Variants in ATIC observed in about 807,000 individuals in gnomAD.
The protein encoded by ATIC is bifunctional purine biosynthesis protein ATIC.
ATIC carries 64 observed loss-of-function variants against 72.5 expected under a neutral mutation model. The observed-to-expected ratio is 0.88, with a 90% CI of 0.72 to 1.09. ATIC has a LOEUF of 1.09. Among genes scored for constraint, ATIC ranks in the 50% least tolerant of loss-of-function variants. The probability of loss-of-function intolerance (pLI) is 0.00; values close to 1 mark genes in which losing one functional copy is unlikely to be tolerated. For synonymous variants in ATIC, 281 were observed against 267.1 expected, an observed-to-expected ratio of 1.05 and a Z score of -0.51; for missense variants, 787 against 732.4, an observed-to-expected ratio of 1.07 and a Z score of -0.86.
chr2:215,365,174 T>A, the ATIC span, among the ~76,000 whole-genome samples: 2 of 152,160 alleles, frequency 1.3e-5, no homozygotes, highest in African/African-American at 4.8e-5. Flanking sequence ...AAATTAGACC[T>A]AATACACTGG....
Position 215,312,610 on chromosome 2 carries a change from T to C in ATIC, c.132T>C (p.Ala44=), listed in dbSNP as rs374110634. ...GGACTGCAAAAGCTCTCAGGGATGCTGGTCTGGCAGTCAGGTAAGGCATAG... is the reference window on the plus strand; with the variant it reads ...GGACTGCAAAAGCTCTCAGGGATGCCGGTCTGGCAGTCAGGTAAGGCATAG... ...SGGTAKALRD[A]GLAVRDVSEL... is the part of the protein sequence containing the mutation. Residue 44 remains alanine (A), a synonymous_variant, in exon 2 of 16, where the codon GCT becomes GCC. Coordinates refer to ENST00000236959, the MANE Select transcript of ATIC (RefSeq NM_004044.7). 7 of 1,614,162 alleles carry C rather than the reference T, an allele frequency of 4.3e-6. No individual in the cohort carries two copies. In the African/African-American group the frequency reaches 8.0e-5, roughly 18 times the overall value.
chr2:215,357,476 A>G, the ATIC span, among the ~76,000 whole-genome samples: 4 of 152,212 alleles, frequency 2.6e-5, no homozygotes, highest in African/African-American at 9.6e-5. Flanking sequence ...GTATGTCTCT[A>G]AAGAGTAAGT....
At chr2:215,323,428 A>C (rs1412036521) in intron 4 of ATIC, among the ~76,000 whole-genome samples, 4 of 152,226 alleles carry the variant, frequency 2.6e-5, no homozygotes, top group African/African-American at 9.6e-5. Context: ...TAAATCTTCC[A>C]GTCTGTGAAC....
intron 10 of ATIC, 124 bp downstream of exon 10, chr2:215,335,128 C>T (rs1057266975): frequency 6.1e-5 from 30 of 488,888 alleles, no homozygotes; most frequent in Non-Finnish European, 9.1e-5. Flanking sequence ...CTAAGTTTAT[C>T]ATTTAATGTT....
chr2:215,333,825 G>A (rs576054770), intron 9 of ATIC, among the ~76,000 whole-genome samples: 13 of 151,998 alleles, frequency 8.6e-5, no homozygotes, highest in Admixed American at 2.6e-4. Flanking sequence ...GGCAGATCAC[G>A]AGGTCAGGAG....
At chr2:215,362,950 G>A in the ATIC span, 2 of 152,220 alleles carry the variant, frequency 1.3e-5, no homozygotes, top group African/African-American at 4.8e-5. Context: ...TCCTGGGACT[G>A]TTCCATTGTG....
intron 11 of ATIC, among the ~76,000 whole-genome samples, chr2:215,336,916 T>C (rs1378133806): frequency 1.3e-5 from 2 of 152,218 alleles, no homozygotes; most frequent in African/African-American, 4.8e-5. Context: ...TTTGTCAGCA[T>C]TGTGGTTTTA....
At chr2:215,330,077 A>G (rs1461086730) in intron 7 of ATIC, among the ~76,000 whole-genome samples, 2 of 152,202 alleles carry the variant, frequency 1.3e-5, no homozygotes, top group Non-Finnish European at 2.9e-5. Context: ...ACGCTTAACT[A>G]TGAGATGTTT....
chr2:215,323,008 G>C (rs1019459876), intron 4 of ATIC, among the ~76,000 whole-genome samples: 1 of 152,054 alleles, frequency 6.6e-6, no homozygotes, highest in Non-Finnish European at 1.5e-5. Flanking sequence ...GCAGTGGCGC[G>C]ATCTTGGCTC....
the ATIC span, chr2:215,367,820 G>A: frequency 1.2e-6 from 2 of 1,604,178 alleles, no homozygotes; most frequent in Non-Finnish European, 1.7e-6. Flanking sequence ...CATGGAACTT[G>A]AGGAGACAAA....
chr2:215,354,930 A>T, the ATIC span, among the ~76,000 whole-genome samples: 1 of 152,036 alleles, frequency 6.6e-6, no homozygotes. Flanking sequence ...CAAGGGGTTC[A>T]TGAAGGACAG....
chr2:215,346,820 A>C lies in ATIC; in HGVS notation c.1382A>C (p.Lys461Thr). ...RIHCTRLAGD[K>T]ANYWWLRHHP... ...CACTGCACTCGCCTTGCAGGAGATA[A>C]GGCAAACTATTGGTGGCTTAGACAC... The change falls in exon 14 of 16, where the codon AAG becomes ACG. Residue 461 changes from lysine to threonine, a missense_variant. Transcript: ENST00000236959. 6.2e-7 allele frequency: 1 copy of C among 1,614,220 alleles called. No individual in the cohort carries two copies. The highest frequency in any genetic ancestry group is 8.5e-7 in the Non-Finnish European group (1 of 1,180,046).
chr2:215,333,513 C>T, intron 9 of ATIC, 56 bp downstream of exon 9: 1 of 1,411,830 alleles, frequency 7.1e-7, no homozygotes, highest in Non-Finnish European at 9.9e-7. Context: ...ATATTTTATC[C>T]TAAATAGAAT....
Position 215,338,856 on chromosome 2 carries a change from T to C in ATIC, c.1176T>C (p.Asn392=), listed in dbSNP as rs1414317727. 6.2e-7 allele frequency: 1 copy of C among 1,613,852 alleles called. No homozygotes were observed. Among genetic ancestry groups the C allele is most frequent in the Admixed American group, 1.7e-5 (1 of 60,022 alleles). The change falls in exon 12 of 16, where the codon AAT becomes AAC. Residue 392 remains asparagine (N), a synonymous_variant. Transcript: ENST00000236959. ...TTCATTTAAGCCAGAAGAGAAATAA[T>C]GGTGTCGTCGACAAGTCATTATTTA... is the stretch of plus-strand genomic sequence containing the variant. ...FGLHLSQKRN[N]GVVDKSLFSN...
At chr2:215,330,638 T>C (rs2052881913) in intron 7 of ATIC, among the ~76,000 whole-genome samples, 1 of 152,120 alleles carries the variant, frequency 6.6e-6, no homozygotes, top group Non-Finnish European at 1.5e-5. Context: ...TAAAACTCCC[T>C]TGTGCTCCTC....
intron 6 of ATIC, among the ~76,000 whole-genome samples, chr2:215,326,452 A>G (rs1313456940): frequency 6.6e-6 from 1 of 152,002 alleles, no homozygotes; most frequent in Non-Finnish European, 1.5e-5. Context: ...TGAAAATACA[A>G]AAATTAGCCG....
intron 2 of ATIC, among the ~76,000 whole-genome samples, chr2:215,315,371 T>TA (rs910958402): frequency 1.5e-4 from 23 of 151,936 alleles, no homozygotes; most frequent in African/African-American, 5.3e-4. Flanking sequence ...TATATATATA[T>TA]TTTTTTAGAG....
chr2:215,364,879 C>T, the ATIC span: 19 of 1,551,680 alleles, frequency 1.2e-5, no homozygotes, highest in African/African-American at 2.0e-4. Context: ...CCAGTCTTAC[C>T]CGCTGGCCTC....
At position 215,312,151 on chromosome 2, in the gene ATIC, C is replaced by T. The variant is rs11550204; in HGVS notation, c.9C>T (p.Pro3=). 2.0e-6 allele frequency: 3 copies of T among 1,523,038 alleles called. No individual in the cohort carries two copies. Among genetic ancestry groups the T allele is most frequent in the Non-Finnish European group, 1.8e-6 (2 of 1,142,290 alleles). The allele number at this position is 1,523,038 out of a possible 1,614,324, so 94.3% of individuals were successfully genotyped here. The change falls in exon 1 of 16, where the codon CCC becomes CCT. Residue 3 remains proline, a synonymous_variant. Transcript: ENST00000236959. ...ACCCAGTGCCTGCAGCCATGGCTCC[C>T]GGCCAGCTCGGTGAGGCCCTAGCGG... is the stretch of plus-strand genomic sequence containing the variant. MA[P]GQLALFSVSD...
Sources: gnomAD v4.1 joint callset for allele counts (sites outside exome capture counted in the v4.1 genomes callset) on GRCh38, gnomAD v4.1.1 for gene constraint, MANE v1.5 for transcripts, NCBI Gene and HGNC (gene_info 2026-07-23, HGNC 2026-07-21) for gene names.